Variants in MYLK observed in about 807,000 individuals in gnomAD.
MYLK encodes myosin light chain kinase, also known as myosin light chain kinase, smooth muscle.
MYLK carries 106 observed loss-of-function variants against 203.4 expected under a neutral mutation model. The ratio of observed to expected loss-of-function variants is 0.52; its 90% confidence interval spans 0.45 to 0.61. The LOEUF is 0.61. Among genes scored for constraint, MYLK ranks in the 20% least tolerant of loss-of-function variants. The pLI, the probability that MYLK is intolerant of heterozygous loss-of-function variation, is 0.00. For synonymous variants in MYLK, 867 were observed against 959.5 expected (o/e 0.90, Z 1.78); for missense variants, 2,072 against 2,442.3 (o/e 0.85, Z 3.20).
intron 19 of MYLK, among the ~76,000 whole-genome samples, chr3:123,685,951 T>A (rs996444837): frequency 2.0e-5 from 3 of 152,122 alleles, no homozygotes; most frequent in African/African-American, 7.2e-5. Flanking sequence ...GTGGCCGCGC[T>A]CCACTTGAAG....
chr3:123,682,063 G>A, intron 20 of MYLK, 161 bp downstream of exon 20: 1 of 696,552 alleles, frequency 1.4e-6, no homozygotes, highest in East Asian at 2.7e-5. Context: ...CTCTGTTATT[G>A]GGAGTTCACT....
At chr3:123,882,140 G>A in intron 1 of MYLK, among the ~76,000 whole-genome samples, 1 of 152,216 alleles carries the variant, frequency 6.6e-6, no homozygotes, top group East Asian at 1.9e-4. Flanking sequence ...CAACTACTCT[G>A]GCTGGGTGCA....
At chr3:123,755,806 G>A (rs2063342080) in intron 4 of MYLK, among the ~76,000 whole-genome samples, 1 of 151,978 alleles carries the variant, frequency 6.6e-6, no homozygotes, top group African/African-American at 2.4e-5. Context: ...AAACTCTTTG[G>A]TCCTGTAGTT....
intron 16 of MYLK, among the ~76,000 whole-genome samples, chr3:123,705,315 C>T (rs780368067): frequency 3.9e-5 from 6 of 152,172 alleles, no homozygotes; most frequent in Admixed American, 1.3e-4. Flanking sequence ...CAGTGGCCTC[C>T]GAAAGGAATG....
At chr3:123,840,711 A>G (rs905867599) in intron 2 of MYLK, among the ~76,000 whole-genome samples, 1 of 152,048 alleles carries the variant, frequency 6.6e-6, no homozygotes, top group African/African-American at 2.4e-5. Flanking sequence ...ATATATTATT[A>G]TTCTGTGTGG....
Position 123,788,230 on chromosome 3 carries a change from TATTTCTTGAAG to T in MYLK, c.165+5436_165+5446del, listed in dbSNP as rs535197290. 3.5e-3 allele frequency among the ~76,000 whole-genome samples: 539 copies of T among 152,306 alleles called. 6 individuals are homozygous for T. Among genetic ancestry groups the T allele is most frequent in the African/African-American group, 0.012 (507 of 41,574 alleles). ...ATCTCTCAATTCCTATAGTAGAAACTATTTCTTGAAGAAATTCAAGCACCTAATTATACACT... is the reference window on the plus strand; with the variant it reads ...ATCTCTCAATTCCTATAGTAGAAACTAAATTCAAGCACCTAATTATACACT... On this transcript the variant is annotated intron_variant, in intron 4 of 33. Coordinates refer to ENST00000360304, the MANE Select transcript of MYLK (RefSeq NM_053025.4).
chr3:123,883,185 G>C (rs569719064), intron 1 of MYLK, among the ~76,000 whole-genome samples: 1 of 152,084 alleles, frequency 6.6e-6, no homozygotes, highest in Non-Finnish European at 1.5e-5. Flanking sequence ...GCAGCTCCAG[G>C]GCAGGCTCTC....
intron 4 of MYLK, among the ~76,000 whole-genome samples, chr3:123,771,734 C>T (rs2063890878): frequency 6.6e-6 from 1 of 152,210 alleles, no homozygotes; most frequent in Non-Finnish European, 1.5e-5. Flanking sequence ...CATCAAACAT[C>T]ATAGCTTAGC....
chr3:123,723,718 A>C (rs747224770), intron 12 of MYLK, among the ~76,000 whole-genome samples: 3 of 152,198 alleles, frequency 2.0e-5, no homozygotes, highest in Admixed American at 6.5e-5. Flanking sequence ...GTTAGCAGCC[A>C]AGGAAACCCA....
chr3:123,756,776 T>G (rs1179080965), intron 4 of MYLK, among the ~76,000 whole-genome samples: 1 of 152,208 alleles, frequency 6.6e-6, no homozygotes, highest in African/African-American at 2.4e-5. Context: ...AGGGTCACTC[T>G]AAGGAGAGAA....
chr3:123,831,455 C>T lies in MYLK; in HGVS notation c.-4+93G>A, dbSNP rs2066325624. On this transcript the variant is annotated intron_variant, in intron 3 of 33. Transcript: ENST00000360304. ...TGGGGGCAGCAGTCTCTTCTGGGCA[C>T]CTAGAAAGACACACAGCTCCCCTCT... The T allele has an allele frequency of 3.9e-6, 5 of 1,287,876 alleles. No individual in the cohort carries two copies. In the South Asian group the frequency reaches 6.2e-5, roughly 16 times the overall value. 79.8% of individuals were successfully genotyped at this position (1,287,876 alleles called of 1,614,324 possible). A position where few individuals can be genotyped will look rare whatever the true frequency, so the allele number is the denominator to read the frequency against.
In MYLK at chr3:123,613,698, C is replaced by T. The variant is rs1046941831; in HGVS notation, c.*407G>A. 1 of 228,588 alleles carries T rather than the reference C, an allele frequency of 4.4e-6. No individual in the cohort carries two copies. The highest frequency in any genetic ancestry group is 8.7e-6 in the Non-Finnish European group (1 of 114,740). 14.2% of individuals were successfully genotyped at this position (228,588 alleles called of 1,614,324 possible). A position where few individuals can be genotyped will look rare whatever the true frequency, so the allele number is the denominator to read the frequency against. On this transcript the variant is annotated 3_prime_UTR_variant, in exon 34 of 34. Transcript: ENST00000360304. The stretch of plus-strand genomic sequence containing the variant: ...GAGTCAGGGGGTGGGGAGAGAGAGG[C>T]CTCCCATCCCCAGGAACCCTCTGGG...
chr3:123,789,559 C>T (rs915237588), intron 4 of MYLK, among the ~76,000 whole-genome samples: 2 of 147,594 alleles, frequency 1.4e-5, no homozygotes, highest in Admixed American at 6.9e-5. Context: ...GTTGTGGGCA[C>T]GGGAAGAGGG....
At chr3:123,716,479 T>A (rs1436685840) in intron 13 of MYLK, 1 of 152,060 alleles carries the variant, frequency 6.6e-6, no homozygotes, top group Non-Finnish European at 1.5e-5. Flanking sequence ...AGGAAAAGAA[T>A]GAAAGGAACA....
chr3:123,732,387 C>A (rs981928737), intron 11 of MYLK, among the ~76,000 whole-genome samples: 2 of 152,062 alleles, frequency 1.3e-5, no homozygotes, highest in Non-Finnish European at 2.9e-5. Flanking sequence ...AAGCAGTATA[C>A]AAATACCACA....
intron 5 of MYLK, among the ~76,000 whole-genome samples, chr3:123,746,801 T>C (rs1216500853): frequency 3.2e-5 from 1 of 31,192 alleles, no homozygotes; most frequent in East Asian, 4.5e-3. Flanking sequence ...AGATTCTGCC[T>C]AGATTTTAAA....
chr3:123,823,941 C>A (rs1173402965), intron 3 of MYLK, among the ~76,000 whole-genome samples: 2 of 152,178 alleles, frequency 1.3e-5, no homozygotes, highest in African/African-American at 2.4e-5. Flanking sequence ...TCCTCCAGAT[C>A]TTCTCAAGAC....
At chr3:123,720,094 C>T (rs990302062) in intron 13 of MYLK, among the ~76,000 whole-genome samples, 6 of 152,216 alleles carry the variant, frequency 3.9e-5, no homozygotes, top group African/African-American at 1.4e-4. Flanking sequence ...GTCTTTATAG[C>T]CCAGTACATC....
chr3:123,701,080 G>A, intron 17 of MYLK, 75 bp from the exon 18 acceptor site: 1 of 1,270,726 alleles, frequency 7.9e-7, no homozygotes, highest in South Asian at 1.2e-5. Context: ...TCAGGGGAGA[G>A]CAAATCCCTG....
Sources: gnomAD v4.1 joint callset for allele counts (sites outside exome capture counted in the v4.1 genomes callset) on GRCh38, gnomAD v4.1.1 for gene constraint, MANE v1.5 for transcripts, NCBI Gene and HGNC (gene_info 2026-07-23, HGNC 2026-07-21) for gene names.